LNP1: variants seen among roughly 807,000 people sequenced by gnomAD.
The protein encoded by LNP1 is leukemia NUP98 fusion partner 1.
In LNP1, 12 loss-of-function variants were observed where a neutral mutation model predicts 14.5. The observed-to-expected ratio is 0.83, with a 90% CI of 0.53 to 1.34. The LOEUF is 1.34. Ranked by LOEUF, LNP1 falls within the 40% of genes most tolerant of loss-of-function variation. The probability of loss-of-function intolerance (pLI) is 0.00; values close to 1 mark genes in which losing one functional copy is unlikely to be tolerated. For missense variants in LNP1, 198 were observed against 210.9 expected (o/e 0.94, Z 0.38); for synonymous variants, 75 against 71.4 (o/e 1.05, Z -0.26).
intron 2 of LNP1, among the ~76,000 whole-genome samples, chr3:100,449,428 A>G (rs985771547): frequency 6.6e-6 from 1 of 152,196 alleles, no homozygotes; most frequent in South Asian, 2.1e-4. Flanking sequence ...TCCATAAGGA[A>G]AAACAGGTTT....
intron 3 of LNP1, among the ~76,000 whole-genome samples, chr3:100,455,116 TTATCAC>T (rs1222210536): frequency 2.0e-5 from 3 of 152,238 alleles, no homozygotes; most frequent in Non-Finnish European, 2.9e-5. Context: ...ATCATTGCAC[TTATCAC>T]TATTGATTAT....
At chr3:100,405,095 G>C (rs1010781573) in intron 1 of LNP1, among the ~76,000 whole-genome samples, 11 of 152,002 alleles carry the variant, frequency 7.2e-5, no homozygotes, top group Non-Finnish European at 1.6e-4. Flanking sequence ...CCCAGCCTGT[G>C]TTATCCATTT....
At chr3:100,420,453 A>C (rs1251571683) in intron 1 of LNP1, among the ~76,000 whole-genome samples, 1 of 152,100 alleles carries the variant, frequency 6.6e-6, no homozygotes, top group Non-Finnish European at 1.5e-5. Context: ...CTGGGACTAC[A>C]GGTGCATGCC....
intron 1 of LNP1, among the ~76,000 whole-genome samples, chr3:100,404,016 T>C (rs116148283): frequency 0.011 from 1,718 of 152,340 alleles, 22 homozygotes; most frequent in African/African-American, 0.039. Flanking sequence ...AACAGCTCTA[T>C]TCTCTTTCAG....
At chr3:100,440,054 C>G (rs879672868) in intron 2 of LNP1, among the ~76,000 whole-genome samples, 2 of 152,160 alleles carry the variant, frequency 1.3e-5, no homozygotes, top group Non-Finnish European at 2.9e-5. Context: ...TCTTCTGAGG[C>G]CTTGCTTGTT....
chr3:100,443,082 T>C (rs554435656), intron 2 of LNP1, among the ~76,000 whole-genome samples: 1 of 152,336 alleles, frequency 6.6e-6, no homozygotes, highest in South Asian at 2.1e-4. Context: ...GTTGCTGTTA[T>C]TTTCTTCTGA....
At chr3:100,430,771 A>AT (rs1322699696) in intron 2 of LNP1, among the ~76,000 whole-genome samples, 2 of 152,246 alleles carry the variant, frequency 1.3e-5, no homozygotes, top group Non-Finnish European at 2.9e-5. Context: ...CATAATGTCT[A>AT]TAAGACATAT....
At position 100,407,435 on chromosome 3, in the gene LNP1, A is replaced by T. The variant is rs546044698; in HGVS notation, c.-34+4996A>T. On this transcript the variant is annotated intron_variant, in intron 1 of 3. Transcript: ENST00000383693. ...ATACCACTCTTCCCTGGCCTGTAAG[A>T]TTTCTGTTGAGAAATCTGCTGCTAG... 1.2e-4 allele frequency among the ~76,000 whole-genome samples: 18 copies of T among 152,162 alleles called. No individual in the cohort carries two copies. In the East Asian group the frequency reaches 3.5e-3, roughly 29 times the overall value.
intron 1 of LNP1, among the ~76,000 whole-genome samples, chr3:100,414,995 A>C (rs1299758041): frequency 3.3e-5 from 5 of 152,230 alleles, no homozygotes; most frequent in African/African-American, 1.2e-4. Flanking sequence ...AATAACAAAA[A>C]GGGTAATTCT....
In LNP1 at chr3:100,455,762, A is replaced by G. The variant is rs534532801; in HGVS notation, c.388-15A>G. On this transcript the variant is annotated splice_polypyrimidine_tract_variant and intron_variant, in intron 3 of 3. Transcript: ENST00000383693. ...GCTTGTGCATTTTTACCTGTTTCTGATCTTTCCCTTTCAGGGACCTGAAAG... is the reference window on the plus strand; with the variant it reads ...GCTTGTGCATTTTTACCTGTTTCTGGTCTTTCCCTTTCAGGGACCTGAAAG... The G allele has an allele frequency of 5.0e-6, 8 of 1,613,228 alleles. No individual in the cohort carries two copies. The highest frequency in any genetic ancestry group is 5.1e-6 in the Non-Finnish European group (6 of 1,179,586).
intron 2 of LNP1, among the ~76,000 whole-genome samples, chr3:100,446,716 A>G (rs1324674225): frequency 1.3e-5 from 2 of 152,236 alleles, no homozygotes; most frequent in Non-Finnish European, 2.9e-5. Flanking sequence ...CAAAGGGCTA[A>G]TACCCAGAAT....
intron 2 of LNP1, among the ~76,000 whole-genome samples, chr3:100,442,418 G>GC (rs1707352814): frequency 6.6e-6 from 1 of 152,232 alleles, no homozygotes; most frequent in East Asian, 1.9e-4. Context: ...GTGGTCAGAG[G>GC]ACAGTTTGGT....
chr3:100,413,822 A>C (rs1707052208), intron 1 of LNP1, among the ~76,000 whole-genome samples: 1 of 152,208 alleles, frequency 6.6e-6, no homozygotes, highest in African/African-American at 2.4e-5. Context: ...ATGGGCCTAC[A>C]GTAGAGTATT....
intron 1 of LNP1, 123 bp downstream of exon 1, chr3:100,402,562 C>T (rs1706921885): frequency 6.6e-6 from 1 of 152,174 alleles, no homozygotes; most frequent in Non-Finnish European, 1.5e-5. Flanking sequence ...TTTCTCCCCT[C>T]CTGATCCCCC....
chr3:100,429,661 G>A (rs1707224553), intron 1 of LNP1, 36 bp from the exon 2 acceptor site: 1 of 1,397,992 alleles, frequency 7.2e-7, no homozygotes, highest in Non-Finnish European at 9.9e-7. Context: ...TTCATTGTCA[G>A]CCCTGTTGGG....
At chr3:100,449,172 C>T (rs1707415273) in intron 2 of LNP1, among the ~76,000 whole-genome samples, 1 of 152,102 alleles carries the variant, frequency 6.6e-6, no homozygotes, top group African/African-American at 2.4e-5. Flanking sequence ...GCAGAGCCCA[C>T]ATTGAATTCT....
chr3:100,424,056 G>C (rs1459706533), intron 1 of LNP1, among the ~76,000 whole-genome samples: 1 of 152,218 alleles, frequency 6.6e-6, no homozygotes, highest in Non-Finnish European at 1.5e-5. Flanking sequence ...TAGCGTAGTA[G>C]AGTAGGGAGC....
chr3:100,448,952 A>C (rs4928071), intron 2 of LNP1, among the ~76,000 whole-genome samples: 2 of 151,968 alleles, frequency 1.3e-5, no homozygotes, highest in African/African-American at 2.4e-5. Flanking sequence ...TTAAATTTGC[A>C]TATTAAAGGA....
intron 1 of LNP1, among the ~76,000 whole-genome samples, chr3:100,407,644 G>A (rs1559838751): frequency 6.6e-6 from 1 of 152,080 alleles, no homozygotes; most frequent in Non-Finnish European, 1.5e-5. Flanking sequence ...CTCCAGGTTT[G>A]GGAAGTTTTC....
Sources: allele counts gnomAD v4.1 joint callset (sites outside exome capture counted in the v4.1 genomes callset), GRCh38; gene constraint gnomAD v4.1.1; transcripts MANE v1.5; gene names NCBI Gene and HGNC (gene_info 2026-07-23, HGNC 2026-07-21).